The following CELF2 variants were observed in gnomAD, a reference collection of about 807,000 sequenced individuals.
The protein encoded by CELF2 is CUGBP Elav-like family member 2, also known as CUG triplet repeat RNA-binding protein 2.
In CELF2, 8 loss-of-function variants were observed where a neutral mutation model predicts 62.6. The ratio of observed to expected loss-of-function variants is 0.13; its 90% confidence interval spans 0.07 to 0.23. CELF2 has a LOEUF of 0.23. Among genes scored for constraint, CELF2 ranks in the 10% least tolerant of loss-of-function variants. CELF2 has a pLI of 1.00. For missense variants in CELF2, 333 were observed against 671.0 expected, an observed-to-expected ratio of 0.50 and a Z score of 5.56; for synonymous variants, 258 against 250.0, an observed-to-expected ratio of 1.03 and a Z score of -0.30.
the CELF2 span, among the ~76,000 whole-genome samples, chr10:10,503,057 G>C: frequency 6.6e-6 from 1 of 151,906 alleles, no homozygotes; most frequent in African/African-American, 2.4e-5. Context: ...ATTCTGAATT[G>C]ATTTTAGTTT....
chr10:10,755,135 T>G, the CELF2 span, among the ~76,000 whole-genome samples: 1 of 152,194 alleles, frequency 6.6e-6, no homozygotes, highest in South Asian at 2.1e-4. Flanking sequence ...AATGCAGGTT[T>G]GTAATCTCAA....
chr10:10,858,435 G>C (rs1355620278), intron 1 of CELF2, among the ~76,000 whole-genome samples: 1 of 152,106 alleles, frequency 6.6e-6, no homozygotes, highest in Non-Finnish European at 1.5e-5. Flanking sequence ...AATTCAAAGA[G>C]ACAGGCATAA....
At chr10:10,848,440 C>T (rs1250087624) in intron 1 of CELF2, among the ~76,000 whole-genome samples, 3 of 152,200 alleles carry the variant, frequency 2.0e-5, no homozygotes, top group African/African-American at 7.2e-5. Flanking sequence ...ACTTCTAAAG[C>T]TTAGGAGCGT....
At chr10:10,687,755 A>G in the CELF2 span, among the ~76,000 whole-genome samples, 1,072 of 152,296 alleles carry the variant, frequency 7.0e-3, 4 homozygotes, top group Non-Finnish European at 8.2e-3. Flanking sequence ...AGGGGTTGAA[A>G]GTTTTCTTGC....
At chr10:10,781,358 C>A in the CELF2 span, among the ~76,000 whole-genome samples, 1 of 152,120 alleles carries the variant, frequency 6.6e-6, no homozygotes, top group Non-Finnish European at 1.5e-5. Context: ...TCTCATGCTG[C>A]AAATAAAGAC....
At chr10:10,540,576 G>C in the CELF2 span, among the ~76,000 whole-genome samples, 1 of 152,184 alleles carries the variant, frequency 6.6e-6, no homozygotes, top group Admixed American at 6.5e-5. Flanking sequence ...TTGCAGAAAA[G>C]TAAGGAGTGA....
intron 2 of CELF2, among the ~76,000 whole-genome samples, chr10:10,971,876 C>T (rs1338382515): frequency 6.6e-6 from 1 of 152,180 alleles, no homozygotes; most frequent in Non-Finnish European, 1.5e-5. Flanking sequence ...CATGAGCCAC[C>T]ATGCCTGACC....
chr10:11,197,020 G>GAAAAGAAAGAAAGAAAGA (rs1335495520), intron 2 of CELF2, among the ~76,000 whole-genome samples: 1 of 9,462 alleles, frequency 1.1e-4, no homozygotes, highest in African/African-American at 4.5e-4. Flanking sequence ...AAGAAAGAAA[G>GAAAAGAAAGAAAGAAAGA]AAAGAAAAGA....
At chr10:10,984,211 G>T (rs909431170) in intron 2 of CELF2, among the ~76,000 whole-genome samples, 1 of 152,226 alleles carries the variant, frequency 6.6e-6, no homozygotes, top group African/African-American at 2.4e-5. Context: ...ACAGAGGGTC[G>T]AGTCAGAGAT....
At chr10:10,529,447 G>A in the CELF2 span, among the ~76,000 whole-genome samples, 1 of 152,168 alleles carries the variant, frequency 6.6e-6, no homozygotes, top group Non-Finnish European at 1.5e-5. Context: ...AGCACTATGG[G>A]AGGCCAACGT....
intron 1 of CELF2, among the ~76,000 whole-genome samples, chr10:10,806,151 A>T (rs1590591361): frequency 2.0e-5 from 3 of 151,406 alleles, no homozygotes; most frequent in Admixed American, 2.0e-4. Context: ...TAATGTCACC[A>T]CGAAGGGTAT....
At chr10:11,155,122 G>A (rs1443105793) in intron 1 of CELF2, among the ~76,000 whole-genome samples, 1 of 152,260 alleles carries the variant, frequency 6.6e-6, no homozygotes, top group South Asian at 2.1e-4. Context: ...CTCCTTTAAG[G>A]CACCATTTCT....
intron 3 of CELF2, among the ~76,000 whole-genome samples, chr10:11,230,431 A>G (rs949705274): frequency 7.2e-5 from 11 of 152,118 alleles, no homozygotes; most frequent in Non-Finnish European, 1.3e-4. Flanking sequence ...CTGTAGGGCA[A>G]CCCCGTTTGT....
At chr10:10,911,728 T>C (rs7896948) in intron 1 of CELF2, among the ~76,000 whole-genome samples, 129,789 of 152,270 alleles carry the variant, frequency 0.85, 55,414 homozygotes, top group South Asian at 0.94. Context: ...TCCTGGACTT[T>C]ATCTTGAAAT....
rs201368346 is a variant in CELF2, at chr10:11,314,106, T to C, written c.977-33T>C. 2.0e-5 allele frequency: 31 copies of C among 1,570,548 alleles called. No individual in the cohort carries two copies. Among genetic ancestry groups the C allele is most frequent in the Middle Eastern group, 1.8e-4 (1 of 5,458 alleles). Reference sequence around the variant, plus strand: ...CTCGGCTCTCACTCACCTCGTGTCTTCTCTCCCCTTGTCTCTGTTTTCCTT... The same window carrying C: ...CTCGGCTCTCACTCACCTCGTGTCTCCTCTCCCCTTGTCTCTGTTTTCCTT... On this transcript the variant is annotated intron_variant, in intron 9 of 12. Coordinates refer to ENST00000633077, the MANE Select transcript of CELF2 (RefSeq NM_001326342.2). The surrounding 1 kb of genome is among the most constrained non-coding windows in gnomAD (Gnocchi z 5.3).
chr10:10,506,432 T>C, the CELF2 span, among the ~76,000 whole-genome samples: 2 of 152,078 alleles, frequency 1.3e-5, no homozygotes, highest in African/African-American at 4.8e-5. Flanking sequence ...TCAAATATTA[T>C]CAAAGTGACC....
At chr10:10,908,671 AG>A (rs947237784) in intron 1 of CELF2, among the ~76,000 whole-genome samples, 44 of 152,334 alleles carry the variant, frequency 2.9e-4, no homozygotes, top group Middle Eastern at 6.8e-3. Context: ...AACAACAAAA[AG>A]ATTCTTTCAA....
the CELF2 span, among the ~76,000 whole-genome samples, chr10:10,736,401 T>TTCTTTCTTTTTC: frequency 4.7e-5 from 7 of 147,602 alleles, no homozygotes; most frequent in African/African-American, 1.7e-4. Context: ...TCTTTCTTTT[T>TTCTTTCTTTTTC]TTTTTTTTTG....
intron 1 of CELF2, among the ~76,000 whole-genome samples, chr10:10,919,010 C>G (rs2064612236): frequency 6.6e-6 from 1 of 152,096 alleles, no homozygotes. Context: ...GTGGCTCACA[C>G]CTGTAATCCC....
Sources: gnomAD v4.1 joint callset for allele counts (sites outside exome capture counted in the v4.1 genomes callset) on GRCh38, gnomAD v4.1.1 for gene constraint, Gnocchi (gnomAD v3.1) non-coding constraint, MANE v1.5 for transcripts, NCBI Gene and HGNC (gene_info 2026-07-23, HGNC 2026-07-21) for gene names.